Variants in ANKRD30B observed in about 807,000 individuals in gnomAD.
ANKRD30B encodes the protein ankyrin repeat domain-containing protein 30B.
A neutral mutation model predicts 202.2 loss-of-function variants in ANKRD30B; 144 were observed. That is an observed-to-expected ratio of 0.71 (90% CI 0.62 to 0.82). The LOEUF (loss-of-function observed/expected upper bound fraction) is 0.82. ANKRD30B is among the 40% of genes least tolerant of loss of function. ANKRD30B has a pLI of 0.00. For synonymous variants in ANKRD30B, 508 were observed against 561.3 expected (o/e 0.91, Z 1.34); for missense variants, 1,487 against 1,669.1 (o/e 0.89, Z 1.90).
rs752467797 is a variant in ANKRD30B at position 14,848,753 on chromosome 18, T to C, written c.3219T>C (p.Pro1073=). 2.6e-6 allele frequency: 4 copies of C among 1,567,054 alleles called. No homozygotes were observed. Among genetic ancestry groups the C allele is most frequent in the Non-Finnish European group, 3.5e-6 (4 of 1,155,800 alleles). The part of the protein sequence containing the change: ...TTLSKILDAL[P]SCERGRELKK... ...TATCAAAAATCTTGGATGCACTTCCTTCTTGTGAAAGAGGAAGGGAACTTA... is the reference window on the plus strand; with the variant it reads ...TATCAAAAATCTTGGATGCACTTCCCTCTTGTGAAAGAGGAAGGGAACTTA... The change falls in exon 40 of 44, where the codon CCT becomes CCC. Residue 1073 remains proline (P), a synonymous_variant. Coordinates refer to ENST00000690538, the MANE Select transcript of ANKRD30B (RefSeq NM_001367607.2).
the ANKRD30B span, among the ~76,000 whole-genome samples, chr18:14,937,159 T>G: frequency 1.3e-5 from 2 of 152,138 alleles, no homozygotes; most frequent in South Asian, 4.1e-4. Context: ...TGACATAAGG[T>G]GAATACATCA....
chr18:14,787,079 A>T lies in ANKRD30B; in HGVS notation c.1713A>T (p.Glu571Asp). 6.2e-7 allele frequency: 1 copy of T among 1,609,708 alleles called. No individual in the cohort carries two copies. The highest frequency in any genetic ancestry group is 8.5e-7 in the Non-Finnish European group (1 of 1,177,314). The change falls in exon 15 of 44, where the codon GAA becomes GAT. Residue 571 changes from glutamate (E) to aspartate (D), a missense_variant. Glu to Asp is a conservative substitution (Grantham distance 45). Transcript: ENST00000690538. ...CAGAATCCAAACAAAAGGACGATGAAGAAAATTCTTGGGATTCTGAGGTAC... is the reference window on the plus strand; with the variant it reads ...CAGAATCCAAACAAAAGGACGATGATGAAAATTCTTGGGATTCTGAGGTAC... ...FPSESKQKDDEENSWDSESPC... is the reference protein window; with the variant it reads ...FPSESKQKDDDENSWDSESPC...
At chr18:14,866,731 G>A in the ANKRD30B span, among the ~76,000 whole-genome samples, 1 of 151,988 alleles carries the variant, frequency 6.6e-6, no homozygotes, top group Non-Finnish European at 1.5e-5. Flanking sequence ...CCTGCCGCAG[G>A]GGGCTAGTGG....
chr18:14,937,761 G>A, the ANKRD30B span, among the ~76,000 whole-genome samples: 1 of 152,066 alleles, frequency 6.6e-6, no homozygotes, highest in African/African-American at 2.4e-5. Context: ...TTCGCCTTTC[G>A]TTGCTTCATT....
intron 15 of ANKRD30B, among the ~76,000 whole-genome samples, chr18:14,788,109 T>G (rs1251853707): frequency 7.2e-5 from 11 of 152,216 alleles, no homozygotes; most frequent in Admixed American, 7.2e-4. Flanking sequence ...CAGACATCAT[T>G]TTTAACGCTA....
rs1404928811 is a variant in ANKRD30B, at chr18:14,841,526, G to A, written c.3079+848G>A. Among the ~76,000 whole-genome samples the A allele has an allele frequency of 8.6e-5, 13 of 152,002 alleles. No individual in the cohort carries two copies. The South Asian group carries it at 1.0e-3, about 12-fold the overall frequency. ...ATTTCTGAGTATGTTTCTGACCAGA[G>A]GGGAAAAAAGAGGTAAAGAAATAGT... On this transcript the variant is annotated intron_variant, in intron 37 of 43. Coordinates refer to ENST00000690538, the MANE Select transcript of ANKRD30B (RefSeq NM_001367607.2).
chr18:14,876,764 C>G, the ANKRD30B span, among the ~76,000 whole-genome samples: 1 of 152,196 alleles, frequency 6.6e-6, no homozygotes, highest in African/African-American at 2.4e-5. Flanking sequence ...CTGAATCACT[C>G]CTGCTTAAAA....
At chr18:14,816,769 A>T (rs1171892254) in intron 30 of ANKRD30B, 1 of 152,200 alleles carries the variant, frequency 6.6e-6, no homozygotes, top group Non-Finnish European at 1.5e-5. Context: ...ACACCATGGA[A>T]CACTACGCAG....
chr18:14,754,172 T>A (rs1913953186), intron 3 of ANKRD30B, among the ~76,000 whole-genome samples: 1 of 152,196 alleles, frequency 6.6e-6, no homozygotes, highest in Non-Finnish European at 1.5e-5. Context: ...ACTTCCTTAG[T>A]GACCCATTTA....
chr18:14,782,498 A>G, intron 11 of ANKRD30B, 29 bp from the exon 12 acceptor site: 1 of 1,439,644 alleles, frequency 6.9e-7, no homozygotes, highest in East Asian at 2.4e-5. Context: ...TTTAAAATTG[A>G]AATTATCTAT....
At chr18:14,920,925 A>G in the ANKRD30B span, among the ~76,000 whole-genome samples, 1 of 152,214 alleles carries the variant, frequency 6.6e-6, no homozygotes, top group Non-Finnish European at 1.5e-5. Context: ...ACTTATTTTT[A>G]TGTCTCTGTC....
chr18:14,796,225 T>G lies in ANKRD30B; in HGVS notation c.1830T>G (p.Ser610=), dbSNP rs1209991744. The G allele has an allele frequency of 1.3e-6, 2 of 1,599,004 alleles. No individual in the cohort carries two copies. Among genetic ancestry groups the G allele is most frequent in the Non-Finnish European group, 1.7e-6 (2 of 1,166,842 alleles). Residue 610 remains serine (S), a synonymous_variant, in exon 17 of 44, where the codon TCT becomes TCG. Transcript: ENST00000690538. ...FDTLSGKLEE[S]PVKDGLLKPT... is the part of the protein sequence containing the mutation. ...TATATGTCCCTTTACGTTTAGAGTC[T>G]CCTGTTAAAGATGGTCTTCTGAAGG... is the stretch of plus-strand genomic sequence containing the variant.
chr18:14,752,190 T>C (rs1368138424), intron 1 of ANKRD30B, among the ~76,000 whole-genome samples: 1 of 152,158 alleles, frequency 6.6e-6, no homozygotes, highest in Admixed American at 6.5e-5. Flanking sequence ...TCCAAAATAC[T>C]TTGCATAGAT....
chr18:14,916,624 G>T, the ANKRD30B span, among the ~76,000 whole-genome samples: 6 of 152,272 alleles, frequency 3.9e-5, no homozygotes, highest in Non-Finnish European at 8.8e-5. Flanking sequence ...GGGGGAGGTT[G>T]TGATATAAAA....
chr18:14,776,937 T>G (rs1265597878), intron 9 of ANKRD30B, among the ~76,000 whole-genome samples: 1 of 152,214 alleles, frequency 6.6e-6, no homozygotes, highest in African/African-American at 2.4e-5. Context: ...CTACTCCGCA[T>G]GACATACTCT....
In ANKRD30B at chr18:14,852,412, G is replaced by A; in HGVS notation, c.4468G>A (p.Glu1490Lys). 2 of 1,517,408 alleles carry A rather than the reference G, an allele frequency of 1.3e-6. No individual in the cohort carries two copies. Among genetic ancestry groups the A allele is most frequent in the Non-Finnish European group, 1.8e-6 (2 of 1,138,390 alleles). 94.0% of individuals were successfully genotyped at this position (1,517,408 alleles called of 1,614,324 possible). A position where few individuals can be genotyped will look rare whatever the true frequency, so the allele number is the denominator to read the frequency against. Residue 1490 changes from glutamate (E) to lysine (K), a missense_variant, in exon 42 of 44, where the codon GAA becomes AAA. By Grantham distance (56) the Glu-to-Lys change is moderately conservative. Coordinates refer to ENST00000690538, the MANE Select transcript of ANKRD30B (RefSeq NM_001367607.2). ...AGATCAATATGAAAAAGAGAAAGCA[G>A]AAAGAGAAGTAAGTATCAAAAAATA... ...RIDQYEKEKA[E>K]REVIVRQLQK...
intron 41 of ANKRD30B, among the ~76,000 whole-genome samples, chr18:14,851,050 T>C (rs1368369708): frequency 1.3e-5 from 2 of 151,944 alleles, no homozygotes; most frequent in Admixed American, 6.6e-5. Flanking sequence ...ATCTAGAGAA[T>C]ATTCTCAGGA....
chr18:14,810,992 G>T (rs972484349), intron 28 of ANKRD30B, among the ~76,000 whole-genome samples: 16 of 150,722 alleles, frequency 1.1e-4, no homozygotes, highest in Non-Finnish European at 2.1e-4. Context: ...GTGGGTGCCC[G>T]TAATCTCAGC....
chr18:14,850,059 C>T (rs142338485), intron 40 of ANKRD30B, among the ~76,000 whole-genome samples, 155 bp from the exon 41 acceptor site: 254 of 150,406 alleles, frequency 1.7e-3, no homozygotes, highest in African/African-American at 5.7e-3. Flanking sequence ...GAAGAGGTTA[C>T]GGAGTAATGA....
Sources: gnomAD v4.1 joint callset for allele counts (sites outside exome capture counted in the v4.1 genomes callset) on GRCh38, gnomAD v4.1.1 for gene constraint, MANE v1.5 for transcripts, NCBI Gene and HGNC (gene_info 2026-07-23, HGNC 2026-07-21) for gene names.